RBMS3: variants seen among roughly 807,000 people sequenced by gnomAD.
The protein encoded by RBMS3 is RNA-binding motif, single-stranded-interacting protein 3.
Under a neutral mutation model 66.8 loss-of-function variants are expected in RBMS3, and 27 were observed. The ratio of observed to expected loss-of-function variants is 0.40; its 90% CI spans 0.30 to 0.56. The LOEUF is 0.56. Ranked by LOEUF, RBMS3 falls within the 20% of genes least tolerant of loss-of-function variation. RBMS3 has a pLI of 0.40. For missense variants in RBMS3, 513 were observed against 549.5 expected (o/e 0.93, Z 0.66); for synonymous variants, 188 against 183.0 (o/e 1.03, Z -0.22).
chr3:29,329,160 C>T lies in RBMS3; in HGVS notation c.75+47404C>T, dbSNP rs1325155912. 4.6e-5 allele frequency among the ~76,000 whole-genome samples: 7 copies of T among 152,016 alleles called. No individual in the cohort carries two copies. The East Asian group carries it at 1.4e-3, about 29-fold the overall frequency. ...ATAACATGTATTTTTTGCCCCTGAA[C>T]TTCAATTAAATGTTCTCCAGTTGGT... On this transcript the variant is annotated intron_variant, in intron 1 of 14. Transcript: ENST00000383767.
chr3:29,458,987 A>G (rs766292598), intron 2 of RBMS3, among the ~76,000 whole-genome samples: 3 of 152,184 alleles, frequency 2.0e-5, no homozygotes, highest in Non-Finnish European at 4.4e-5. Context: ...GAGAAACTGG[A>G]TAGAGAAATC....
intron 7 of RBMS3, chr3:29,880,850 T>A: frequency 6.6e-7 from 1 of 1,526,010 alleles, no homozygotes; most frequent in Non-Finnish European, 8.8e-7. Context: ...CCCGACCCTT[T>A]TGCAATGAAA....
chr3:29,644,387 A>C, intron 4 of RBMS3, among the ~76,000 whole-genome samples: 1 of 152,180 alleles, frequency 6.6e-6, no homozygotes, highest in Non-Finnish European at 1.5e-5. Flanking sequence ...GGTATATGCC[A>C]CTAGGGGCTG....
At chr3:29,968,245 G>C (rs1020879022) in intron 12 of RBMS3, among the ~76,000 whole-genome samples, 1 of 152,174 alleles carries the variant, frequency 6.6e-6, no homozygotes, top group Non-Finnish European at 1.5e-5. Flanking sequence ...AGACAGGCTT[G>C]AAAACTTGCC....
At chr3:29,408,988 A>G (rs550897440) in intron 1 of RBMS3, among the ~76,000 whole-genome samples, 2 of 152,332 alleles carry the variant, frequency 1.3e-5, no homozygotes, top group Admixed American at 6.5e-5. Context: ...ATAGAATGCA[A>G]TAGACTATCA....
At chr3:29,462,071 G>A (rs147859720) in intron 2 of RBMS3, among the ~76,000 whole-genome samples, 98 of 151,836 alleles carry the variant, frequency 6.5e-4, no homozygotes, top group African/African-American at 2.1e-3. Context: ...CACCGCGCCC[G>A]GCTCTACTTC....
Position 29,655,439 on chromosome 3 carries a change from A to G in RBMS3, c.399+68234A>G, listed in dbSNP as rs72846056. Among the ~76,000 whole-genome samples, 444 of 152,336 alleles carry G rather than the reference A, an allele frequency of 2.9e-3. 2 individuals carry two copies. The highest frequency in any genetic ancestry group is 0.01 in the African/African-American group (416 of 41,582). ...CCACATAAAGATGTTTCGGTTAAGGACAAGTTACATATGTGACGGTGGTCT... is the reference window on the plus strand; with the variant it reads ...CCACATAAAGATGTTTCGGTTAAGGGCAAGTTACATATGTGACGGTGGTCT... On this transcript the variant is annotated intron_variant, in intron 4 of 14. Coordinates refer to ENST00000383767, the MANE Select transcript of RBMS3 (RefSeq NM_001003793.3).
intron 4 of RBMS3, among the ~76,000 whole-genome samples, chr3:29,688,114 T>C (rs893812553): frequency 6.6e-6 from 1 of 152,146 alleles, no homozygotes; most frequent in African/African-American, 2.4e-5. Context: ...GCTAGCTTTC[T>C]CATCTTTCTG....
rs537517529 is a variant in RBMS3 at position 29,876,041 on chromosome 3, C to T, written c.744+7077C>T. 1.1e-4 allele frequency among the ~76,000 whole-genome samples: 17 copies of T among 152,290 alleles called. No homozygotes were observed. In the South Asian group the frequency reaches 3.5e-3, roughly 32 times the overall value. On this transcript the variant is annotated intron_variant, in intron 7 of 14. Coordinates refer to ENST00000383767, the MANE Select transcript of RBMS3 (RefSeq NM_001003793.3). Reference sequence around the variant, plus strand: ...TCTCTGTTCTCTGACCATTTAGCTACATTTAAAGGATAAATCCCCTGCATG... The same window carrying T: ...TCTCTGTTCTCTGACCATTTAGCTATATTTAAAGGATAAATCCCCTGCATG...
intron 6 of RBMS3, among the ~76,000 whole-genome samples, chr3:29,836,979 G>C (rs748144477): frequency 1.3e-5 from 2 of 152,018 alleles, no homozygotes; most frequent in Non-Finnish European, 2.9e-5. Flanking sequence ...ATGACCTCCA[G>C]ATGGTGACCT....
At position 29,313,549 on chromosome 3, in the gene RBMS3, T is replaced by C. The variant is rs1053150670; in HGVS notation, c.75+31793T>C. On this transcript the variant is annotated intron_variant, in intron 1 of 14. Transcript: ENST00000383767. ...TGATTTATTTGCAACAGTACCATGTTAAATGTCACCATATTAGGGTGGTGT... is the reference window on the plus strand; with the variant it reads ...TGATTTATTTGCAACAGTACCATGTCAAATGTCACCATATTAGGGTGGTGT... Among the ~76,000 whole-genome samples, 3 of 151,686 alleles carry C rather than the reference T, an allele frequency of 2.0e-5. No individual in the cohort carries two copies. The East Asian group carries it at 5.8e-4, about 29-fold the overall frequency.
intron 13 of RBMS3, 79 bp from the exon 14 acceptor site, chr3:29,991,003 G>A: frequency 3.6e-6 from 5 of 1,405,980 alleles, no homozygotes; most frequent in Non-Finnish European, 4.0e-6. Flanking sequence ...CCAAATAGAA[G>A]AGGGGTACTT....
intron 6 of RBMS3, among the ~76,000 whole-genome samples, chr3:29,847,401 G>C (rs1221535934): frequency 6.6e-6 from 1 of 152,114 alleles, no homozygotes; most frequent in Non-Finnish European, 1.5e-5. Flanking sequence ...TCCAATTTCA[G>C]CACACAAAGC....
At chr3:29,394,590 A>C (rs2039461079) in intron 1 of RBMS3, among the ~76,000 whole-genome samples, 5 of 152,206 alleles carry the variant, frequency 3.3e-5, no homozygotes, top group Admixed American at 3.3e-4. Context: ...CAGGTGTAAG[A>C]AATTATAAAA....
intron 4 of RBMS3, among the ~76,000 whole-genome samples, chr3:29,712,045 T>C (rs2053192541): frequency 6.6e-6 from 1 of 152,186 alleles, no homozygotes; most frequent in African/African-American, 2.4e-5. Flanking sequence ...GAGAGCATTT[T>C]CCCCTCGAAT....
At chr3:29,404,217 C>T (rs1310173924) in intron 1 of RBMS3, among the ~76,000 whole-genome samples, 1 of 152,124 alleles carries the variant, frequency 6.6e-6, no homozygotes, top group East Asian at 1.9e-4. Flanking sequence ...ATTGATCTTA[C>T]TGCAGACTGG....
chr3:29,549,524 C>T (rs1283151729), intron 3 of RBMS3, among the ~76,000 whole-genome samples: 7 of 151,576 alleles, frequency 4.6e-5, no homozygotes, highest in South Asian at 4.2e-4. Context: ...CTCAGCCTCC[C>T]GAATAGTTGA....
At chr3:29,731,055 A>G (rs1045421560) in intron 4 of RBMS3, 2 of 982,568 alleles carry the variant, frequency 2.0e-6, no homozygotes, top group Admixed American at 6.2e-5. Context: ...TCATGGAATC[A>G]TTCACTGCCT....
Position 29,331,079 on chromosome 3 carries a change from CA to C in RBMS3, c.75+49326del, listed in dbSNP as rs199729480. Among the ~76,000 whole-genome samples, 1,119 of 152,238 alleles carry C rather than the reference CA, an allele frequency of 7.4e-3. 9 individuals carry two copies. The highest frequency in any genetic ancestry group is 0.012 in the Non-Finnish European group (794 of 68,000). ...GACATTTCCTAGAGGGTGCAGTCCA[CA>C]AATTTTCCCAGAAACCGAATTGATT... On this transcript the variant is annotated intron_variant, in intron 1 of 14. Coordinates refer to ENST00000383767, the MANE Select transcript of RBMS3 (RefSeq NM_001003793.3).
Sources: allele counts gnomAD v4.1 joint callset (sites outside exome capture counted in the v4.1 genomes callset), GRCh38; gene constraint gnomAD v4.1.1; transcripts MANE v1.5; gene names NCBI Gene and HGNC (gene_info 2026-07-23, HGNC 2026-07-21).